Variants in UBE3C observed in about 807,000 individuals in gnomAD.
UBE3C encodes ubiquitin-protein ligase E3C.
A neutral mutation model predicts 129.4 loss-of-function variants in UBE3C; 42 were observed. The observed-to-expected ratio is 0.32, with a 90% CI of 0.25 to 0.42. The LOEUF (loss-of-function observed/expected upper bound fraction) is 0.42. UBE3C is among the 10% of genes least tolerant of loss of function. UBE3C has a pLI of 1.00. For synonymous variants in UBE3C, 510 were observed against 492.4 expected, an observed-to-expected ratio of 1.04 and a Z score of -0.47; for missense variants, 1,049 against 1,319.1, an observed-to-expected ratio of 0.80 and a Z score of 3.17.
intron 1 of UBE3C, among the ~76,000 whole-genome samples, chr7:157,158,700 ACT>A (rs1301621202): frequency 6.6e-6 from 1 of 152,170 alleles, no homozygotes; most frequent in African/African-American, 2.4e-5. Flanking sequence ...GCCCACTGAT[ACT>A]CTGAACTCAG....
chr7:157,193,928 T>G (rs1341168692), intron 10 of UBE3C, among the ~76,000 whole-genome samples: 1 of 152,082 alleles, frequency 6.6e-6, no homozygotes, highest in Non-Finnish European at 1.5e-5. Flanking sequence ...AACGTAAATC[T>G]CTATTTTGGA....
Position 157,245,440 on chromosome 7 carries a change from G to A in UBE3C, c.2482-2928G>A, listed in dbSNP as rs189782019. Reference sequence around the variant, plus strand: ...TGGCTTTGAACTCGTCATTCATTTCGAAGTGATGCCGTTTATCAGTGCTCC... The same window carrying A: ...TGGCTTTGAACTCGTCATTCATTTCAAAGTGATGCCGTTTATCAGTGCTCC... On this transcript the variant is annotated intron_variant, in intron 18 of 22. Transcript: ENST00000348165. Among the ~76,000 whole-genome samples, 35 of 152,240 alleles carry A rather than the reference G, an allele frequency of 2.3e-4. No homozygotes were observed. In the East Asian group the frequency reaches 6.2e-3, roughly 27 times the overall value.
intron 7 of UBE3C, 97 bp from the exon 8 acceptor site, chr7:157,182,011 A>G (rs1808677629): frequency 7.9e-7 from 1 of 1,267,838 alleles, no homozygotes; most frequent in Admixed American, 2.7e-5. Flanking sequence ...AGAGTAGATT[A>G]TCCTTTTAGA....
intron 9 of UBE3C, among the ~76,000 whole-genome samples, chr7:157,184,570 A>G (rs1321067751): frequency 6.6e-6 from 1 of 152,198 alleles, no homozygotes; most frequent in Non-Finnish European, 1.5e-5. Context: ...ACCGCCAATG[A>G]CTTTTTTTGG....
rs768076276 is a variant in UBE3C at position 157,163,819 on chromosome 7, G to T, written c.76G>T (p.Ala26Ser). ...CTCTGTTTGGGTGTAGGAGGAAAAG[G>T]CTTCTCTTTTACATCGTACTCAGGA... is the stretch of plus-strand genomic sequence containing the variant. ...LGGASRKEEK[A>S]SLLHRTQEER... The change falls in exon 2 of 23, where the codon GCT (alanine) becomes TCT (serine). Residue 26 changes from alanine (A) to serine (S), a missense_variant. By Grantham distance (99) the Ala-to-Ser change is moderately conservative. Transcript: ENST00000348165. 3.5e-5 allele frequency: 57 copies of T among 1,613,358 alleles called. No individual in the cohort carries two copies. Among genetic ancestry groups the T allele is most frequent in the Admixed American group, 1.5e-4 (9 of 59,982 alleles).
chr7:157,186,739 G>C (rs1808816461), intron 9 of UBE3C, 95 bp from the exon 10 acceptor site: 1 of 1,432,936 alleles, frequency 7.0e-7, no homozygotes, highest in Non-Finnish European at 9.5e-7. Flanking sequence ...AGCTTTCTTT[G>C]CCCGAAGAAA....
chr7:157,219,442 G>A (rs1371083730), intron 14 of UBE3C, among the ~76,000 whole-genome samples: 1 of 152,106 alleles, frequency 6.6e-6, no homozygotes, highest in Non-Finnish European at 1.5e-5. Flanking sequence ...CCTAGGAAAC[G>A]TTCTCGCCAG....
chr7:157,243,436 A>T (rs1265033415), intron 18 of UBE3C, among the ~76,000 whole-genome samples: 3 of 152,234 alleles, frequency 2.0e-5, no homozygotes, highest in Non-Finnish European at 2.9e-5. Context: ...TCTGAGTAAC[A>T]GCTAGTGGGC....
At chr7:157,223,850 G>A (rs971110496) in intron 16 of UBE3C, among the ~76,000 whole-genome samples, 4 of 152,174 alleles carry the variant, frequency 2.6e-5, no homozygotes, top group African/African-American at 7.2e-5. Context: ...AGCCTAGGAG[G>A]CAGAGGTTGC....
chr7:157,234,923 G>A (rs1475825577), intron 18 of UBE3C, among the ~76,000 whole-genome samples: 1 of 152,162 alleles, frequency 6.6e-6, no homozygotes, highest in Non-Finnish European at 1.5e-5. Context: ...CAGGCATGGT[G>A]GATCACACCT....
chr7:157,172,910 G>A lies in UBE3C; in HGVS notation c.343-2009G>A, dbSNP rs183188862. Among the ~76,000 whole-genome samples the A allele has an allele frequency of 2.4e-4, 36 of 152,272 alleles. No homozygotes were observed. In the East Asian group the frequency reaches 6.7e-3, roughly 29 times the overall value. ...GTCCTCAATCTTAGTCATCAGTCAC[G>A]ACATGGTGTAGCTACACAGTCTTGC... On this transcript the variant is annotated intron_variant, in intron 4 of 22. Transcript: ENST00000348165.
At chr7:157,192,806 T>A (rs1254097132) in intron 10 of UBE3C, 1 of 1,299,992 alleles carries the variant, frequency 7.7e-7, no homozygotes, top group East Asian at 2.3e-5. Context: ...GTCTGACTAC[T>A]GCTTCAACAA....
chr7:157,174,039 AT>A (rs1352203805), intron 4 of UBE3C, among the ~76,000 whole-genome samples: 1 of 152,210 alleles, frequency 6.6e-6, no homozygotes, highest in African/African-American at 2.4e-5. Flanking sequence ...AGACAAGGCT[AT>A]GTGGCGTATT....
chr7:157,221,116 A>C (rs994409573), intron 15 of UBE3C: 2 of 214,136 alleles, frequency 9.3e-6, no homozygotes, highest in Non-Finnish European at 1.9e-5. Context: ...GTTGCTCAGC[A>C]GTATTCCAGT....
At chr7:157,190,328 C>G (rs530912994) in intron 10 of UBE3C, among the ~76,000 whole-genome samples, 1 of 150,248 alleles carries the variant, frequency 6.7e-6, no homozygotes, top group African/African-American at 2.5e-5. Context: ...CCTCCTCTTT[C>G]TGTCCCTGTT....
intron 1 of UBE3C, among the ~76,000 whole-genome samples, chr7:157,158,298 CCTATT>C (rs1343911201): frequency 6.6e-6 from 1 of 152,084 alleles, no homozygotes; most frequent in Non-Finnish European, 1.5e-5. Context: ...AGAGAGGGAA[CCTATT>C]CTATTACATG....
chr7:157,162,376 G>A (rs527632133), intron 1 of UBE3C, among the ~76,000 whole-genome samples: 8 of 151,818 alleles, frequency 5.3e-5, no homozygotes, highest in African/African-American at 1.9e-4. Flanking sequence ...TGTATTTTTA[G>A]TAGAGACGGG....
At chr7:157,229,228 C>G (rs1795956969) in intron 17 of UBE3C, among the ~76,000 whole-genome samples, 1 of 152,218 alleles carries the variant, frequency 6.6e-6, no homozygotes, top group Non-Finnish European at 1.5e-5. Context: ...ATTTCACTTA[C>G]TTCCCCAAAG....
At position 157,254,322 on chromosome 7, in the gene UBE3C, C is replaced by T; in HGVS notation, c.2950+12C>T. 2.0e-6 allele frequency: 3 copies of T among 1,487,434 alleles called. No homozygotes were observed. Among genetic ancestry groups the T allele is most frequent in the Non-Finnish European group, 2.7e-6 (3 of 1,114,988 alleles). 92.1% of individuals were successfully genotyped at this position (1,487,434 alleles called of 1,614,324 possible). A position where few individuals can be genotyped will look rare whatever the true frequency, so the allele number is the denominator to read the frequency against. Reference sequence around the variant, plus strand: ...TACAAACTATTCAGGTATGTTATCACTGCTAGTTATTGTTTCTGAAAATGT... The same window carrying T: ...TACAAACTATTCAGGTATGTTATCATTGCTAGTTATTGTTTCTGAAAATGT... On this transcript the variant is annotated intron_variant, in intron 21 of 22. Coordinates refer to ENST00000348165, the MANE Select transcript of UBE3C (RefSeq NM_014671.3).
Sources: allele counts gnomAD v4.1 joint callset (sites outside exome capture counted in the v4.1 genomes callset), GRCh38; gene constraint gnomAD v4.1.1; transcripts MANE v1.5; gene names NCBI Gene and HGNC (gene_info 2026-07-23, HGNC 2026-07-21).